Variants in USP48 observed in about 807,000 individuals in gnomAD.
The protein encoded by USP48 is ubiquitin carboxyl-terminal hydrolase 48.
In USP48, 43 loss-of-function variants were observed where a neutral mutation model predicts 150.7. The observed-to-expected ratio is 0.29, with a 90% confidence interval of 0.22 to 0.37. The LOEUF is 0.37. Among genes scored for constraint, USP48 ranks in the 10% least tolerant of loss-of-function variants. The pLI, the probability that USP48 is intolerant of heterozygous loss-of-function variation, is 1.00. For missense variants in USP48, 813 were observed against 1,249.6 expected, an observed-to-expected ratio of 0.65 and a Z score of 5.27; for synonymous variants, 396 against 425.9, an observed-to-expected ratio of 0.93 and a Z score of 0.86.
chr1:21,684,704 T>C (rs2097576037), intron 25 of USP48, among the ~76,000 whole-genome samples: 1 of 152,232 alleles, frequency 6.6e-6, no homozygotes, highest in Non-Finnish European at 1.5e-5. Flanking sequence ...TTAATCCATT[T>C]TGAGTTGATT....
chr1:21,714,285 T>C (rs2097698350), intron 15 of USP48, among the ~76,000 whole-genome samples: 1 of 152,244 alleles, frequency 6.6e-6, no homozygotes, highest in Non-Finnish European at 1.5e-5. Flanking sequence ...CTATTGATTT[T>C]ATTTTAAAGA....
At chr1:21,726,865 G>A (rs756510189) in intron 11 of USP48, among the ~76,000 whole-genome samples, 3 of 151,798 alleles carry the variant, frequency 2.0e-5, no homozygotes, top group Non-Finnish European at 2.9e-5. Flanking sequence ...TGGAGATACC[G>A]GACTATATGA....
rs201834792 is a variant in USP48 at position 21,703,470 on chromosome 1, C to T, written c.2622+42G>A. The T allele has an allele frequency of 1.8e-5, 27 of 1,502,738 alleles. No individual in the cohort carries two copies. In the Admixed American group the frequency reaches 1.9e-4, roughly 10 times the overall value. 93.1% of individuals were successfully genotyped at this position (1,502,738 alleles called of 1,614,324 possible). A position where few individuals can be genotyped will look rare whatever the true frequency, so the allele number is the denominator to read the frequency against. On this transcript the variant is annotated intron_variant, in intron 21 of 26. Coordinates refer to ENST00000308271, the MANE Select transcript of USP48 (RefSeq NM_032236.8). ...CAACAGCAAATCAAGCCAAAGAGCA[C>T]GCTTGATCATTACTAGTCATTGCCA...
At position 21,728,655 on chromosome 1, in the gene USP48, A is replaced by T. The variant is rs752148249; in HGVS notation, c.1365T>A (p.Ala455=). The change falls in exon 11 of 27, where the codon GCT becomes GCA. Residue 455 remains alanine (A), a synonymous_variant. Transcript: ENST00000308271. ...SKFEEWCIEM[A]EMRKQSVDKG... ...TATCCACACTTTGCTTACGCATCTC[A>T]GCCATTTCAATACACCACTCCTCAA... The T allele has an allele frequency of 6.2e-7, 1 of 1,614,204 alleles. No homozygotes were observed. The highest frequency in any genetic ancestry group is 1.1e-5 in the South Asian group (1 of 91,084).
intron 1 of USP48, among the ~76,000 whole-genome samples, chr1:21,776,952 A>G (rs979592739): frequency 1.6e-5 from 2 of 122,102 alleles, no homozygotes; most frequent in African/African-American, 5.6e-5. Flanking sequence ...TGTCTCAAAG[A>G]AAAAAAAAAA....
intron 1 of USP48, among the ~76,000 whole-genome samples, chr1:21,769,358 A>T (rs1292074148): frequency 6.6e-6 from 1 of 151,378 alleles, no homozygotes; most frequent in African/African-American, 2.4e-5. Context: ...AACACAAAGA[A>T]CAATAGACGT....
rs2097663529 is a variant in USP48, at chr1:21,703,569, G to A, written c.2565C>T (p.Asp855=). 1 of 1,612,196 alleles carries A rather than the reference G, an allele frequency of 6.2e-7. No homozygotes were observed. Among genetic ancestry groups the A allele is most frequent in the Non-Finnish European group, 8.5e-7 (1 of 1,179,936 alleles). ...TGGTGGCTTGAGTGTATTCACGCAG[G>A]TCCCTCTGCTGCTGACACAATAAGC... ...REGLLCQQQR[D]LREYTQATIY... is the part of the protein sequence containing the mutation. Residue 855 remains aspartate, a synonymous_variant, in exon 21 of 27, where the codon GAC becomes GAT. Transcript: ENST00000308271.
At chr1:21,766,297 G>C (rs1224646109) in intron 1 of USP48, among the ~76,000 whole-genome samples, 1 of 152,064 alleles carries the variant, frequency 6.6e-6, no homozygotes, top group Non-Finnish European at 1.5e-5. Flanking sequence ...CTTGAACCCG[G>C]GAGGCGGAGG....
At chr1:21,750,451 T>C (rs758931860) in intron 6 of USP48, among the ~76,000 whole-genome samples, 43 of 152,182 alleles carry the variant, frequency 2.8e-4, no homozygotes, top group Non-Finnish European at 5.7e-4. Flanking sequence ...GCCCTTATTG[T>C]AGTTGACCCA....
intron 9 of USP48, 26 bp downstream of exon 9, chr1:21,736,420 G>A: frequency 6.4e-7 from 1 of 1,561,926 alleles, no homozygotes; most frequent in Non-Finnish European, 8.6e-7. Flanking sequence ...TATTTTAAAA[G>A]GGCACTCACA....
chr1:21,740,117 G>C (rs534751695), intron 8 of USP48, among the ~76,000 whole-genome samples: 1 of 152,134 alleles, frequency 6.6e-6, no homozygotes, highest in South Asian at 2.1e-4. Context: ...CTCCATGTTG[G>C]TCAGGCTGGT....
Position 21,747,086 on chromosome 1 carries a change from C to G in USP48, c.972G>C (p.Glu324Asp), listed in dbSNP as rs1326411895. The change falls in exon 8 of 27, where the codon GAG becomes GAC. Residue 324 changes from glutamate to aspartate, a missense_variant. Glu to Asp is a conservative substitution (Grantham distance 45). Transcript: ENST00000308271. ...TATTACCTTTATGTTCCACATAAGG[C>G]TCCATATCCAAAATTTCTGAGAAGC... is the stretch of plus-strand genomic sequence containing the variant. ...YIGFSEILDMEPYVEHKGGSY... is the reference protein window; with the variant it reads ...YIGFSEILDMDPYVEHKGGSY... 9.3e-6 allele frequency: 15 copies of G among 1,611,852 alleles called. No individual in the cohort carries two copies. The highest frequency in any genetic ancestry group is 1.3e-5 in the Non-Finnish European group (15 of 1,179,576).
chr1:21,752,943 G>A (rs1390668967), intron 4 of USP48, 49 bp downstream of exon 4: 1 of 1,530,118 alleles, frequency 6.5e-7, no homozygotes, highest in Non-Finnish European at 8.7e-7. Context: ...TGCTTAGGAT[G>A]TTTGGGTACC....
At position 21,728,722 on chromosome 1, in the gene USP48, A is replaced by T; in HGVS notation, c.1301-3T>A. Reference sequence around the variant, plus strand: ...ATCTACCAGCTCTTGAAGAAAGGCTATTCAAAACAGAAAGACAAAAAACAA... The same window carrying T: ...ATCTACCAGCTCTTGAAGAAAGGCTTTTCAAAACAGAAAGACAAAAAACAA... On this transcript the variant is annotated splice_polypyrimidine_tract_variant and splice_region_variant and intron_variant, in intron 10 of 26. Coordinates refer to ENST00000308271, the MANE Select transcript of USP48 (RefSeq NM_032236.8). The T allele has an allele frequency of 1.2e-6, 2 of 1,613,234 alleles. No individual in the cohort carries two copies. Among genetic ancestry groups the T allele is most frequent in the Non-Finnish European group, 1.7e-6 (2 of 1,179,802 alleles).
rs544325076 is a variant in USP48 at position 21,757,853 on chromosome 1, T to G, written c.135-70A>C. 1.9e-5 allele frequency: 28 copies of G among 1,481,524 alleles called. No homozygotes were observed. The East Asian group carries it at 5.4e-4, about 29-fold the overall frequency. 91.8% of individuals were successfully genotyped at this position (1,481,524 alleles called of 1,614,324 possible). A position where few individuals can be genotyped will look rare whatever the true frequency, so the allele number is the denominator to read the frequency against. On this transcript the variant is annotated intron_variant, in intron 1 of 26. Coordinates refer to ENST00000308271, the MANE Select transcript of USP48 (RefSeq NM_032236.8). ...TCATGAGAGACAAACAAATTAAAAC[T>G]AAAATGAGATACCACTTCTCATCTA...
intron 6 of USP48, among the ~76,000 whole-genome samples, chr1:21,750,899 T>A (rs1430060954): frequency 1.3e-4 from 19 of 148,546 alleles, no homozygotes; most frequent in South Asian, 8.5e-4. Flanking sequence ...AAAAAAAAAA[T>A]TCAGCGAAAT....
At chr1:21,736,827 A>G (rs1432716754) in intron 8 of USP48, among the ~76,000 whole-genome samples, 1 of 152,172 alleles carries the variant, frequency 6.6e-6, no homozygotes, top group African/African-American at 2.4e-5. Flanking sequence ...TGAACAGCAC[A>G]CTGTATTAAT....
intron 13 of USP48, 83 bp from the exon 14 acceptor site, chr1:21,721,249 A>C (rs2097720074): frequency 1.3e-6 from 2 of 1,536,688 alleles, no homozygotes; most frequent in African/African-American, 2.7e-5. Flanking sequence ...AAACAACTAA[A>C]GTGAATTACA....
intron 15 of USP48, among the ~76,000 whole-genome samples, chr1:21,714,385 T>A (rs2097698679): frequency 6.6e-6 from 1 of 152,142 alleles, no homozygotes; most frequent in African/African-American, 2.4e-5. Flanking sequence ...AGTGATCCTC[T>A]CACCCTCCTG....
Sources: allele counts gnomAD v4.1 joint callset (sites outside exome capture counted in the v4.1 genomes callset), GRCh38; gene constraint gnomAD v4.1.1; transcripts MANE v1.5; gene names NCBI Gene and HGNC (gene_info 2026-07-23, HGNC 2026-07-21).